LRP5: variants seen among roughly 807,000 people sequenced by gnomAD.
The protein encoded by LRP5 is low-density lipoprotein receptor-related protein 5.
In LRP5, 62 loss-of-function variants were observed where a neutral mutation model predicts 154.1. The ratio of observed to expected loss-of-function variants is 0.40; its 90% CI spans 0.33 to 0.50. LRP5 has a LOEUF of 0.50. Ranked by LOEUF, LRP5 falls within the 20% of genes least tolerant of loss-of-function variation. The pLI is 0.55. For synonymous variants in LRP5, 966 were observed against 1,011.5 expected, an observed-to-expected ratio of 0.96 and a Z score of 0.85; for missense variants, 1,915 against 2,336.7, an observed-to-expected ratio of 0.82 and a Z score of 3.72.
chr11:68,393,427 C>T (rs1245849319), intron 7 of LRP5, among the ~76,000 whole-genome samples: 10 of 152,200 alleles, frequency 6.6e-5, no homozygotes, highest in Non-Finnish European at 1.5e-4. Flanking sequence ...GTTCTGCATC[C>T]CCACCGGCAG....
intron 19 of LRP5, among the ~76,000 whole-genome samples, chr11:68,437,592 T>G (rs1387842059): frequency 6.6e-6 from 1 of 152,250 alleles, no homozygotes; most frequent in African/African-American, 2.4e-5. Flanking sequence ...TCATTGTGTC[T>G]GGGGACATGG....
At position 68,413,571 on chromosome 11, in the gene LRP5, A is replaced by C; in HGVS notation, c.2504-118A>C. On this transcript the variant is annotated intron_variant, in intron 11 of 22. Coordinates refer to ENST00000294304, the MANE Select transcript of LRP5 (RefSeq NM_002335.4). The surrounding 1 kb of genome is among the most constrained non-coding windows in gnomAD (Gnocchi z 5.1). ...TTTTCCAAGGTGGCCAAACACTTTA[A>C]GGCATTCATGTGGTCGCTAGGCTGC... 1.1e-6 allele frequency: 1 copy of C among 881,918 alleles called. No homozygotes were observed. The highest frequency in any genetic ancestry group is 1.8e-5 in the Admixed American group (1 of 54,318). The allele number at this position is 881,918 out of a possible 1,614,324, so 54.6% of individuals were successfully genotyped here.
At chr11:68,331,545 T>A (rs190896284) in intron 1 of LRP5, among the ~76,000 whole-genome samples, 99 of 152,386 alleles carry the variant, frequency 6.5e-4, no homozygotes, top group Middle Eastern at 3.4e-3. Context: ...GCGCCTGTCC[T>A]GTTCTGTGTG....
At chr11:68,374,971 C>T (rs2098636537) in intron 5 of LRP5, among the ~76,000 whole-genome samples, 1 of 152,182 alleles carries the variant, frequency 6.6e-6, no homozygotes, top group African/African-American at 2.4e-5. Flanking sequence ...TCCCCTGCAG[C>T]CTCTTCCATG....
chr11:68,425,985 C>A lies in LRP5; in HGVS notation c.3435C>A (p.Asn1145Lys). The A allele has an allele frequency of 6.2e-7, 1 of 1,611,124 alleles. No individual in the cohort carries two copies. Among genetic ancestry groups the A allele is most frequent in the African/African-American group, 1.3e-5 (1 of 75,072 alleles). ...RIESCDLSGA[N>K]RLTLEDANIV... ...CCCACGGGCTGCTTGCAGGGGCCAA[C>A]CGCCTGACCCTGGAGGACGCCAACA... The change falls in exon 16 of 23, where the codon AAC becomes AAA. Residue 1145 changes from asparagine (N) to lysine (K), a missense_variant. Coordinates refer to ENST00000294304, the MANE Select transcript of LRP5 (RefSeq NM_002335.4).
intron 5 of LRP5, among the ~76,000 whole-genome samples, chr11:68,373,258 G>A (rs1170873804): frequency 6.6e-6 from 1 of 152,220 alleles, no homozygotes; most frequent in Non-Finnish European, 1.5e-5. Flanking sequence ...AAAGCCAGCT[G>A]GGTGTAGGGA....
intron 7 of LRP5, among the ~76,000 whole-genome samples, chr11:68,401,776 C>T (rs2098652751): frequency 6.6e-6 from 1 of 152,160 alleles, no homozygotes. Flanking sequence ...GCAATCTTCG[C>T]TAGCTGCGTT....
intron 7 of LRP5, among the ~76,000 whole-genome samples, chr11:68,402,863 T>A (rs915736846): frequency 5.3e-5 from 8 of 152,186 alleles, no homozygotes; most frequent in Non-Finnish European, 2.9e-5. Flanking sequence ...ATCTTGCTTC[T>A]CATCCCAGCA....
intron 11 of LRP5, among the ~76,000 whole-genome samples, chr11:68,412,421 A>G (rs1354481662): frequency 1.3e-5 from 2 of 152,136 alleles, no homozygotes; most frequent in Non-Finnish European, 2.9e-5. Context: ...CGGGCAGATG[A>G]TTTGAGCCCA....
intron 1 of LRP5, among the ~76,000 whole-genome samples, chr11:68,346,620 G>A (rs1046110115): frequency 2.6e-5 from 4 of 152,232 alleles, no homozygotes; most frequent in Non-Finnish European, 5.9e-5. Flanking sequence ...GAAGGTGGGA[G>A]TGTGGGGTTG....
At chr11:68,303,004 T>G in the LRP5 span, among the ~76,000 whole-genome samples, 701 of 152,344 alleles carry the variant, frequency 4.6e-3, 16 homozygotes, top group East Asian at 0.063. Flanking sequence ...CTACTCCCTC[T>G]GTTCCTCCTT....
At chr11:68,446,689 C>T (rs2098681609) in intron 22 of LRP5, among the ~76,000 whole-genome samples, 156 bp downstream of exon 22, 1 of 152,172 alleles carries the variant, frequency 6.6e-6, no homozygotes, top group Admixed American at 6.5e-5. Flanking sequence ...GCCAACCACA[C>T]TAGGCTGCCT....
rs749491802 is a variant in LRP5, at chr11:68,449,012, A to T, written c.4790A>T (p.Glu1597Val). ...EDSCPPSPAT[E>V]RSYFHLFPPP... Reference sequence around the variant, plus strand: ...AGCTGCCCGCCCTCGCCCGCCACCGAGAGGAGCTACTTCCATCTCTTCCCG... The same window carrying T: ...AGCTGCCCGCCCTCGCCCGCCACCGTGAGGAGCTACTTCCATCTCTTCCCG... The change falls in exon 23 of 23, where the codon GAG (glutamate) becomes GTG (valine). Residue 1597 changes from glutamate (E) to valine (V), a missense_variant. Glu to Val is a moderately radical substitution (Grantham distance 121, BLOSUM62 -2). Transcript: ENST00000294304. 1 of 1,598,688 alleles carries T rather than the reference A, an allele frequency of 6.3e-7. No individual in the cohort carries two copies. Among genetic ancestry groups the T allele is most frequent in the Non-Finnish European group, 8.5e-7 (1 of 1,176,376 alleles).
At chr11:68,339,166 G>A (rs1191625745) in intron 1 of LRP5, among the ~76,000 whole-genome samples, 5 of 151,712 alleles carry the variant, frequency 3.3e-5, no homozygotes, top group African/African-American at 1.2e-4. Context: ...AAGACACCGC[G>A]TCGGGCCTTT....
At chr11:68,327,818 C>G (rs1025706491) in intron 1 of LRP5, among the ~76,000 whole-genome samples, 1 of 152,218 alleles carries the variant, frequency 6.6e-6, no homozygotes, top group East Asian at 1.9e-4. Flanking sequence ...TCCTGTGCAC[C>G]TGCCTGCAGA....
intron 11 of LRP5, among the ~76,000 whole-genome samples, chr11:68,412,039 C>T (rs2098659883): frequency 6.6e-6 from 1 of 152,164 alleles, no homozygotes; most frequent in African/African-American, 2.4e-5. Context: ...CGATCCCCAC[C>T]CAGCCCTGAA....
rs749850329 is a variant in LRP5 at position 68,409,898 on chromosome 11, C to T, written c.2092-16C>T. The T allele has an allele frequency of 1.2e-6, 2 of 1,600,468 alleles. No homozygotes were observed. The highest frequency in any genetic ancestry group is 2.7e-5 in the African/African-American group (2 of 74,566). On this transcript the variant is annotated splice_polypyrimidine_tract_variant and intron_variant, in intron 9 of 22. Coordinates refer to ENST00000294304, the MANE Select transcript of LRP5 (RefSeq NM_002335.4). Reference sequence around the variant, plus strand: ...GTTCCTAAAATGTGGCCCTTTTCCTCCTCACCTGCTGCCAGACCATCAGCC... The same window carrying T: ...GTTCCTAAAATGTGGCCCTTTTCCTTCTCACCTGCTGCCAGACCATCAGCC...
chr11:68,335,373 C>G (rs2098605126), intron 1 of LRP5, among the ~76,000 whole-genome samples: 1 of 151,948 alleles, frequency 6.6e-6, no homozygotes, highest in South Asian at 2.1e-4. Context: ...CGCACTCAGC[C>G]CATAACCTTG....
At chr11:68,316,621 C>G (rs1283319348) in intron 1 of LRP5, among the ~76,000 whole-genome samples, 1 of 152,204 alleles carries the variant, frequency 6.6e-6, no homozygotes. Flanking sequence ...GTGGAGGGAC[C>G]ACATTATATT....
Sources: allele counts gnomAD v4.1 joint callset (sites outside exome capture counted in the v4.1 genomes callset), GRCh38; gene constraint gnomAD v4.1.1; non-coding constraint Gnocchi (gnomAD v3.1); transcripts MANE v1.5; gene names NCBI Gene and HGNC (gene_info 2026-07-23, HGNC 2026-07-21).